The following ACSL5 variants were observed in gnomAD, a reference collection of about 807,000 sequenced individuals.
ACSL5 encodes the protein acyl-CoA synthetase long chain family member 5.
Under a neutral mutation model 84.9 loss-of-function variants are expected in ACSL5, and 50 were observed. The ratio of observed to expected loss-of-function variants is 0.59; its 90% CI spans 0.47 to 0.75. ACSL5 has a LOEUF of 0.75. ACSL5 is among the 30% of genes least tolerant of loss of function. The probability of loss-of-function intolerance (pLI) is 0.00; values close to 1 mark genes in which losing one functional copy is unlikely to be tolerated. For missense variants in ACSL5, 775 were observed against 830.4 expected, an observed-to-expected ratio of 0.93 and a Z score of 0.82; for synonymous variants, 280 against 300.7, an observed-to-expected ratio of 0.93 and a Z score of 0.71.
intron 1 of ACSL5, 142 bp downstream of exon 1, chr10:112,374,411 A>G (rs1849201770): frequency 1.3e-5 from 2 of 152,252 alleles, no homozygotes; most frequent in African/African-American, 2.4e-5. Flanking sequence ...TTAGTTGAAT[A>G]GTAATCTCAG....
intron 17 of ACSL5, chr10:112,424,691 A>G (rs938459637): frequency 2.0e-5 from 3 of 152,220 alleles, no homozygotes; most frequent in African/African-American, 7.2e-5. Context: ...GGGTGTTAGC[A>G]TGTGGATTTT....
rs572655358 is a variant in ACSL5, at chr10:112,388,132, G to C, written c.-29-6786G>C. Among the ~76,000 whole-genome samples, 8 of 152,106 alleles carry C rather than the reference G, an allele frequency of 5.3e-5. No homozygotes were observed. In the East Asian group the frequency reaches 1.6e-3, roughly 30 times the overall value. ...TTTTTGTATTTTTGGTAGAGATGGG[G>C]TTTCGCCATGTTGGCCAGGCTGGTC... On this transcript the variant is annotated intron_variant, in intron 1 of 20. Coordinates refer to ENST00000354655, the MANE Select transcript of ACSL5 (RefSeq NM_203379.2).
chr10:112,402,132 A>C (rs1367674017), intron 3 of ACSL5, among the ~76,000 whole-genome samples: 1 of 151,740 alleles, frequency 6.6e-6, no homozygotes, highest in Non-Finnish European at 1.5e-5. Flanking sequence ...CCCATAGCTA[A>C]TTTTTTTATA....
At chr10:112,423,294 A>G (rs1451838052) in intron 17 of ACSL5, among the ~76,000 whole-genome samples, 2 of 131,544 alleles carry the variant, frequency 1.5e-5, no homozygotes, top group Middle Eastern at 4.0e-3. Flanking sequence ...TCCATGGATC[A>G]ACAATATAAA....
chr10:112,384,490 T>G (rs1269085334), intron 1 of ACSL5, among the ~76,000 whole-genome samples: 1 of 152,076 alleles, frequency 6.6e-6, no homozygotes, highest in Non-Finnish European at 1.5e-5. Context: ...CTTTTTCTTG[T>G]TTTTTTGTTT....
intron 10 of ACSL5, 129 bp downstream of exon 10, chr10:112,411,658 G>A: frequency 1.1e-6 from 1 of 949,792 alleles, no homozygotes; most frequent in Non-Finnish European, 1.6e-6. Flanking sequence ...GTTAAAGGCT[G>A]GAGTGTGGAC....
At chr10:112,411,241 T>C (rs1476801464) in intron 9 of ACSL5, 6 of 568,464 alleles carry the variant, frequency 1.1e-5, no homozygotes, top group Non-Finnish European at 1.6e-5. Flanking sequence ...GTGCTCTGCA[T>C]AGTAGTAGAA....
At chr10:112,401,475 A>C (rs1325254090) in intron 3 of ACSL5, among the ~76,000 whole-genome samples, 1 of 152,228 alleles carries the variant, frequency 6.6e-6, no homozygotes, top group African/African-American at 2.4e-5. Context: ...TAGAGGGACA[A>C]CTTTGCCAAG....
At chr10:112,423,187 CAAAAAAAAAAAAAAAAAAAA>C (rs1163487735) in intron 17 of ACSL5, among the ~76,000 whole-genome samples, 3 of 16,562 alleles carry the variant, frequency 1.8e-4, no homozygotes, top group African/African-American at 9.0e-4. Flanking sequence ...GTCTCTGTCT[CAAAAAAAAAAAAAAAAAAAA>C]AAAAAAAAAA....
chr10:112,384,820 A>G (rs751895802), intron 1 of ACSL5, among the ~76,000 whole-genome samples: 162 of 152,224 alleles, frequency 1.1e-3, no homozygotes, highest in Non-Finnish European at 9.4e-4. Context: ...CCCGACCTCC[A>G]TCTCTCTTTT....
chr10:112,389,209 G>A (rs1285307150), intron 1 of ACSL5, among the ~76,000 whole-genome samples: 3 of 152,132 alleles, frequency 2.0e-5, no homozygotes, highest in Non-Finnish European at 4.4e-5. Flanking sequence ...CACCAAGAAT[G>A]GTCCAGGAAG....
At chr10:112,383,534 T>G (rs937707411) in intron 1 of ACSL5, among the ~76,000 whole-genome samples, 3 of 152,244 alleles carry the variant, frequency 2.0e-5, no homozygotes, top group Non-Finnish European at 4.4e-5. Context: ...CTCTGGTTTC[T>G]TATCGGTTAG....
At chr10:112,423,697 G>A (rs369898338) in intron 17 of ACSL5, among the ~76,000 whole-genome samples, 17 of 152,254 alleles carry the variant, frequency 1.1e-4, no homozygotes, top group African/African-American at 2.9e-4. Flanking sequence ...GCACATCAGA[G>A]TTGGCATGGG....
At chr10:112,384,269 C>G (rs1248571540) in intron 1 of ACSL5, among the ~76,000 whole-genome samples, 2 of 151,648 alleles carry the variant, frequency 1.3e-5, no homozygotes, top group South Asian at 4.2e-4. Flanking sequence ...TTTGTTGTTC[C>G]GTAGTCCTAA....
At chr10:112,416,044 T>C (rs1844305788) in intron 12 of ACSL5, among the ~76,000 whole-genome samples, 1 of 152,042 alleles carries the variant, frequency 6.6e-6, no homozygotes, top group Admixed American at 6.5e-5. Flanking sequence ...AGTAGGAAGG[T>C]AGGAAACTCT....
intron 1 of ACSL5, among the ~76,000 whole-genome samples, chr10:112,383,852 C>T (rs1849398250): frequency 6.6e-6 from 1 of 151,500 alleles, no homozygotes; most frequent in South Asian, 2.1e-4. Context: ...TTAAACAGTA[C>T]ACATCAAGTG....
intron 1 of ACSL5, chr10:112,376,127 G>C: frequency 1.3e-6 from 1 of 798,616 alleles, no homozygotes; most frequent in Non-Finnish European, 1.9e-6. Flanking sequence ...TTGACACGGA[G>C]CCAGGGTAGC....
In ACSL5 at chr10:112,426,377, A is replaced by G; in HGVS notation, c.1839+18A>G. The G allele has an allele frequency of 6.2e-7, 1 of 1,605,582 alleles. No individual in the cohort carries two copies. The highest frequency in any genetic ancestry group is 8.5e-7 in the Non-Finnish European group (1 of 1,172,468). ...AAAACCAAGTAAGTCTTGCCTAGGA[A>G]AGCTTTATGCACACCCATGGGCCCA... On this transcript the variant is annotated intron_variant, in intron 19 of 20. Transcript: ENST00000354655.
At chr10:112,380,824 C>T (rs1212234800) in intron 1 of ACSL5, among the ~76,000 whole-genome samples, 4 of 152,168 alleles carry the variant, frequency 2.6e-5, no homozygotes, top group African/African-American at 9.7e-5. Flanking sequence ...TCCAGGCTCC[C>T]AGGCTGGAGT....
Sources: allele counts gnomAD v4.1 joint callset (sites outside exome capture counted in the v4.1 genomes callset), GRCh38; gene constraint gnomAD v4.1.1; transcripts MANE v1.5; gene names NCBI Gene and HGNC (gene_info 2026-07-23, HGNC 2026-07-21).